TBC1D30: variants seen among roughly 807,000 people sequenced by gnomAD.
TBC1D30 encodes TBC1 domain family, member 30.
In TBC1D30, 31 loss-of-function variants were observed where a neutral mutation model predicts 63.2. The ratio of observed to expected loss-of-function variants is 0.49; its 90% CI spans 0.37 to 0.66. The LOEUF (loss-of-function observed/expected upper bound fraction) is 0.66. TBC1D30 is among the 30% of genes least tolerant of loss of function. The pLI, the probability that TBC1D30 is intolerant of heterozygous loss-of-function variation, is 0.00. For synonymous variants in TBC1D30, 307 were observed against 361.5 expected (o/e 0.85, Z 1.71); for missense variants, 810 against 953.6 (o/e 0.85, Z 1.98).
chr12:64,787,094 G>A (rs1871638610), intron 2 of TBC1D30, among the ~76,000 whole-genome samples: 1 of 152,124 alleles, frequency 6.6e-6, no homozygotes, highest in Non-Finnish European at 1.5e-5. Flanking sequence ...TCTTGTAACA[G>A]GACCTTAACA....
intron 8 of TBC1D30, among the ~76,000 whole-genome samples, chr12:64,856,823 C>T (rs1877343366): frequency 6.6e-6 from 1 of 152,170 alleles, no homozygotes; most frequent in Non-Finnish European, 1.5e-5. Flanking sequence ...GTTCTTCCTG[C>T]TCTTCCCTCC....
chr12:64,845,153 A>G (rs1876250816), intron 8 of TBC1D30, among the ~76,000 whole-genome samples: 1 of 152,114 alleles, frequency 6.6e-6, no homozygotes, highest in African/African-American at 2.4e-5. Context: ...TTTTTGGATC[A>G]TATGGTAGCT....
At chr12:64,781,703 T>TG (rs1358910093) in intron 1 of TBC1D30, among the ~76,000 whole-genome samples, 1 of 151,280 alleles carries the variant, frequency 6.6e-6, no homozygotes, top group Non-Finnish European at 1.5e-5. Flanking sequence ...TTTTTTTTTT[T>TG]TGTTTTTTTG....
Position 64,824,713 on chromosome 12 carries a change from C to G in TBC1D30, c.-167C>G. 1 of 941,080 alleles carries G rather than the reference C, an allele frequency of 1.1e-6. No individual in the cohort carries two copies. The highest frequency in any genetic ancestry group is 2.9e-5 in the East Asian group (1 of 34,572). The allele number at this position is 941,080 out of a possible 1,614,324, so 58.3% of individuals were successfully genotyped here. On this transcript the variant is annotated 5_prime_UTR_variant, in exon 1 of 12. Transcript: ENST00000539867. ...TGCGCTCGGCGGCTCCCGCGGTGCC[C>G]CGTAAGTCCCCGTGACCCTCCAGCA...
At chr12:64,860,498 C>T (rs1877699547) in intron 8 of TBC1D30, among the ~76,000 whole-genome samples, 1 of 151,786 alleles carries the variant, frequency 6.6e-6, no homozygotes, top group East Asian at 1.9e-4. Flanking sequence ...GTAGCAAGTT[C>T]CTTAATGTTA....
rs1330604788 is a variant in TBC1D30, at chr12:64,836,635, G to A, written c.740G>A (p.Arg247Lys). The A allele has an allele frequency of 6.5e-7, 1 of 1,535,088 alleles. No homozygotes were observed. The highest frequency in any genetic ancestry group is 1.2e-5 in the South Asian group (1 of 83,956). The change falls in exon 6 of 12, where the codon AGA becomes AAA. Residue 247 changes from arginine to lysine, a missense_variant. Physicochemically the swap from Arg to Lys is conservative, Grantham distance 26 (BLOSUM62 2). Transcript: ENST00000539867. ...TCTCAGCACCTGGATACTCTTCAGAGAACTGCAAACAAAGAAAGTGGAGGT... is the reference window on the plus strand; with the variant it reads ...TCTCAGCACCTGGATACTCTTCAGAAAACTGCAAACAAAGAAAGTGGAGGT... ...ELSQHLDTLQ[R>K]TANKESGGGY... is the part of the protein sequence containing the mutation.
intron 1 of TBC1D30, among the ~76,000 whole-genome samples, chr12:64,763,475 A>G (rs1307573550): frequency 6.6e-6 from 1 of 152,122 alleles, no homozygotes; most frequent in African/African-American, 2.4e-5. Flanking sequence ...TGAAATGATT[A>G]TTCTCTTCCT....
chr12:64,839,954 G>A (rs184472351), intron 7 of TBC1D30, among the ~76,000 whole-genome samples: 251 of 140,252 alleles, frequency 1.8e-3, no homozygotes, highest in Non-Finnish European at 1.5e-3. Flanking sequence ...GCAGTGAGCC[G>A]AGATCGTGCC....
At chr12:64,837,995 T>A (rs1417955570) in intron 6 of TBC1D30, among the ~76,000 whole-genome samples, 4 of 152,152 alleles carry the variant, frequency 2.6e-5, no homozygotes, top group African/African-American at 9.7e-5. Context: ...TTGGCTGTAA[T>A]TTGAAGGGAG....
intron 2 of TBC1D30, among the ~76,000 whole-genome samples, chr12:64,816,868 C>T (rs2136338279): frequency 6.6e-6 from 1 of 151,448 alleles, no homozygotes; most frequent in East Asian, 2.0e-4. Flanking sequence ...GCTCTGTCAC[C>T]CAGGCTGGAG....
intron 2 of TBC1D30, among the ~76,000 whole-genome samples, chr12:64,791,335 TTAGTG>T (rs1432445600): frequency 2.6e-5 from 4 of 152,022 alleles, no homozygotes; most frequent in Non-Finnish European, 5.9e-5. Context: ...CTGGAATTAG[TTAGTG>T]GTGATGGTTG....
At chr12:64,856,771 T>G (rs1318663257) in intron 8 of TBC1D30, among the ~76,000 whole-genome samples, 1 of 152,174 alleles carries the variant, frequency 6.6e-6, no homozygotes, top group African/African-American at 2.4e-5. Flanking sequence ...CATGATAGTC[T>G]ATTCTACTGC....
At chr12:64,816,120 T>A (rs1473225327) in intron 2 of TBC1D30, among the ~76,000 whole-genome samples, 1 of 151,670 alleles carries the variant, frequency 6.6e-6, no homozygotes, top group Non-Finnish European at 1.5e-5. Context: ...GCAACCTCCG[T>A]CTCCTGGGTT....
upstream of TBC1D30, among the ~76,000 whole-genome samples, chr12:64,778,308 G>C (rs1374440362): frequency 3.3e-5 from 5 of 152,016 alleles, no homozygotes; most frequent in Non-Finnish European, 7.4e-5. Flanking sequence ...AATGTGCCAG[G>C]GATTGTTCTA....
intron 2 of TBC1D30, among the ~76,000 whole-genome samples, chr12:64,807,918 G>GTGTTTTTTTTTTTTTTTTTTTTTTTTTTT: frequency 1.1e-5 from 1 of 93,526 alleles, no homozygotes; most frequent in African/African-American, 5.5e-5. Flanking sequence ...CCTAATTTAA[G>GTGTTTTTTTTTTTTTTTTTTTTTTTTTTT]TTTTTTTTTT....
In TBC1D30 at chr12:64,857,409, C is replaced by G. The variant is rs1147087; in HGVS notation, c.1039-7259C>G. Among the ~76,000 whole-genome samples, 518 of 152,236 alleles carry G rather than the reference C, an allele frequency of 3.4e-3. 2 individuals carry two copies. Among genetic ancestry groups the G allele is most frequent in the African/African-American group, 0.011 (446 of 41,528 alleles). On this transcript the variant is annotated intron_variant, in intron 8 of 11. Coordinates refer to ENST00000539867, the MANE Select transcript of TBC1D30 (RefSeq NM_015279.2). ...TGGGAGCTAGGGCCTGGAATAGGGG[C>G]CTCATGACTCTGCCTGGTGCCCTAT...
At chr12:64,763,680 C>T (rs539960512) in intron 1 of TBC1D30, among the ~76,000 whole-genome samples, 1 of 151,034 alleles carries the variant, frequency 6.6e-6, no homozygotes, top group East Asian at 2.0e-4. Context: ...ATGATCTCGG[C>T]TCACTACAAC....
At chr12:64,769,322 C>T (rs1399655976) in intron 1 of TBC1D30, among the ~76,000 whole-genome samples, 2 of 151,838 alleles carry the variant, frequency 1.3e-5, no homozygotes, top group Admixed American at 6.6e-5. Context: ...TCTCCTGCCT[C>T]AGCCTCCTGA....
chr12:64,834,516 C>T (rs1875154528), intron 5 of TBC1D30, among the ~76,000 whole-genome samples: 1 of 150,630 alleles, frequency 6.6e-6, no homozygotes, highest in Admixed American at 6.7e-5. Context: ...AAGCAATTCT[C>T]CTGCCTCAGC....
Sources: allele counts gnomAD v4.1 joint callset (sites outside exome capture counted in the v4.1 genomes callset), GRCh38; gene constraint gnomAD v4.1.1; transcripts MANE v1.5; gene names NCBI Gene and HGNC (gene_info 2026-07-23, HGNC 2026-07-21).